The following KIF9 variants were observed in gnomAD, a reference collection of about 807,000 sequenced individuals.
KIF9 encodes the protein kinesin-like protein KIF9.
Under a neutral mutation model 94.8 loss-of-function variants are expected in KIF9, and 68 were observed. The ratio of observed to expected loss-of-function variants is 0.72; its 90% CI spans 0.59 to 0.88. KIF9 has a LOEUF of 0.88. Ranked by LOEUF, KIF9 falls within the 40% of genes least tolerant of loss-of-function variation. The pLI is 0.00. For synonymous variants in KIF9, 343 were observed against 362.1 expected (o/e 0.95, Z 0.60); for missense variants, 882 against 982.5 (o/e 0.90, Z 1.37).
At chr3:47,239,915 T>C (rs570224725) in intron 17 of KIF9, 2 of 1,367,882 alleles carry the variant, frequency 1.5e-6, no homozygotes, top group Non-Finnish European at 2.0e-6. Context: ...GTGTTTCCTG[T>C]CTGGAAGAAG....
chr3:47,281,053 ATC>A, intron 1 of KIF9: 1 of 702,954 alleles, frequency 1.4e-6, no homozygotes, highest in East Asian at 2.7e-5. Flanking sequence ...TGTGCTTTTT[ATC>A]TCTTTTGAAT....
At chr3:47,276,574 AG>A (rs373845254) in intron 2 of KIF9, among the ~76,000 whole-genome samples, 1 of 151,190 alleles carries the variant, frequency 6.6e-6, no homozygotes, top group Non-Finnish European at 1.5e-5. Flanking sequence ...AAAAAAAAAA[AG>A]AAAAGAAAGA....
intron 1 of KIF9, 101 bp downstream of exon 1, chr3:47,282,394 C>T (rs894959284): frequency 1.7e-5 from 17 of 986,380 alleles, no homozygotes; most frequent in African/African-American, 5.2e-5. Context: ...AGCTGGGAAC[C>T]CCCAGATAAA....
chr3:47,267,373 G>A (rs559753314), intron 5 of KIF9, 110 bp from the exon 6 acceptor site: 10 of 793,286 alleles, frequency 1.3e-5, no homozygotes, highest in South Asian at 4.3e-5. Flanking sequence ...ATATCACTGC[G>A]ATCAGCTGGG....
chr3:47,228,460 A>G lies in KIF9; in HGVS notation c.*192T>C, dbSNP rs1257561481. The G allele has an allele frequency of 2.0e-5, 13 of 646,514 alleles. No homozygotes were observed. In the Admixed American group the frequency reaches 2.8e-4, roughly 14 times the overall value. 40.0% of individuals were successfully genotyped at this position (646,514 alleles called of 1,614,324 possible). On this transcript the variant is annotated 3_prime_UTR_variant, in exon 21 of 21. Transcript: ENST00000684063. ...ATATAAGACAGTGAATTAAAACCCA[A>G]AGTGCTCTGTGGAGATGAGCAAGGT...
intron 10 of KIF9, among the ~76,000 whole-genome samples, chr3:47,250,841 T>C (rs1366332604): frequency 6.6e-6 from 1 of 152,214 alleles, no homozygotes; most frequent in Non-Finnish European, 1.5e-5. Flanking sequence ...ACCAGTCCAC[T>C]GCCCCACTGG....
Position 47,275,484 on chromosome 3 carries a change from C to T in KIF9, c.100G>A (p.Asp34Asn), listed in dbSNP as rs747556627. The part of the protein sequence containing the change: ...IRYGDDKRSI[D>N]IHLKKDIRRG... ...CGAATGTCTTTTTTTAAGTGAATATCAATGCTCTAGGAAAAAAGAGTGAGA... is the reference window on the plus strand; with the variant it reads ...CGAATGTCTTTTTTTAAGTGAATATTAATGCTCTAGGAAAAAAGAGTGAGA... Residue 34 changes from aspartate (D) to asparagine (N), a missense_variant, in exon 3 of 21, where the codon GAT (aspartate) becomes AAT (asparagine). By Grantham distance (23) the Asp-to-Asn change is conservative. Transcript: ENST00000684063. 6.2e-7 allele frequency: 1 copy of T among 1,601,520 alleles called. No individual in the cohort carries two copies. Among genetic ancestry groups the T allele is most frequent in the Non-Finnish European group, 8.5e-7 (1 of 1,175,552 alleles).
chr3:47,260,346 A>G (rs984451572), intron 9 of KIF9, among the ~76,000 whole-genome samples: 29 of 151,734 alleles, frequency 1.9e-4, no homozygotes, highest in African/African-American at 7.0e-4. Context: ...AAGGGAACTC[A>G]GAGGCTGGCG....
At chr3:47,267,430 T>C (rs993349720) in intron 5 of KIF9, among the ~76,000 whole-genome samples, 167 bp from the exon 6 acceptor site, 1 of 152,164 alleles carries the variant, frequency 6.6e-6, no homozygotes, top group Non-Finnish European at 1.5e-5. Context: ...GGGAGTCAAA[T>C]TGGAGTCCAC....
chr3:47,279,540 G>GTATA (rs950657752), intron 1 of KIF9, among the ~76,000 whole-genome samples: 10 of 151,134 alleles, frequency 6.6e-5, no homozygotes, highest in Non-Finnish European at 1.5e-4. Flanking sequence ...AACCCCTCAT[G>GTATA]TATAACAGGG....
chr3:47,256,533 CCCG>C (rs1700617522), intron 10 of KIF9, among the ~76,000 whole-genome samples: 1 of 151,560 alleles, frequency 6.6e-6, no homozygotes, highest in African/African-American at 2.4e-5. Context: ...GGGTCGGCCC[CCCG>C]CCCGGCCGGC....
intron 2 of KIF9, chr3:47,277,032 T>C (rs914331627): frequency 2.3e-5 from 7 of 310,686 alleles, no homozygotes; most frequent in Admixed American, 2.0e-4. Flanking sequence ...CTGTGTCAGA[T>C]ACGAGGGTAA....
chr3:47,234,523 CGTGCCCAGCCAGAGCCACT>C (rs1698864787), intron 20 of KIF9, among the ~76,000 whole-genome samples: 1 of 150,934 alleles, frequency 6.6e-6, no homozygotes, highest in Admixed American at 6.6e-5. Flanking sequence ...CGTGAGCCAC[CGTGCCCAGCCAGAGCCACT>C]GTGCCCAGCA....
rs778748717 is a variant in KIF9, at chr3:47,248,060, T to C, written c.1086A>G (p.Glu362=). ...AERMVKNLEK[E]LALLKQELAI... ...CCAGCTCCTGCTTGAGTAGTGCTAG[T>C]TCCTTCTCCAGGTTCTTGACCATTC... The change falls in exon 11 of 21, where the codon GAA becomes GAG. Residue 362 remains glutamate, a synonymous_variant. Transcript: ENST00000684063. 6.2e-7 allele frequency: 1 copy of C among 1,613,800 alleles called. No homozygotes were observed. The highest frequency in any genetic ancestry group is 2.2e-5 in the East Asian group (1 of 44,864).
chr3:47,241,472 C>T (rs1042301878), intron 16 of KIF9, among the ~76,000 whole-genome samples: 34 of 151,880 alleles, frequency 2.2e-4, no homozygotes, highest in African/African-American at 8.2e-4. Context: ...CAGGCATGCG[C>T]CACCACACCT....
At chr3:47,246,752 T>C (rs1699951195) in intron 12 of KIF9, among the ~76,000 whole-genome samples, 1 of 152,086 alleles carries the variant, frequency 6.6e-6, no homozygotes, top group African/African-American at 2.4e-5. Flanking sequence ...AATTTGGGAC[T>C]GCCCCTCCTG....
In KIF9 at chr3:47,282,712, G is replaced by T. The variant is rs1424867341; in HGVS notation, c.-223C>A. 5 of 1,384,192 alleles carry T rather than the reference G, an allele frequency of 3.6e-6. No homozygotes were observed. Among genetic ancestry groups the T allele is most frequent in the Non-Finnish European group, 3.7e-6 (4 of 1,067,034 alleles). 85.7% of individuals were successfully genotyped at this position (1,384,192 alleles called of 1,614,324 possible). A position where few individuals can be genotyped will look rare whatever the true frequency, so the allele number is the denominator to read the frequency against. Reference sequence around the variant, plus strand: ...AATCGGGAAGACGAGAGATGGGGCCGATTGATCTAGAAAGACTTCGGCGGA... The same window carrying T: ...AATCGGGAAGACGAGAGATGGGGCCTATTGATCTAGAAAGACTTCGGCGGA... On this transcript the variant is annotated 5_prime_UTR_variant, in exon 1 of 21. Transcript: ENST00000684063.
At chr3:47,273,773 G>T in intron 3 of KIF9, 115 bp from the exon 4 acceptor site, 1 of 845,158 alleles carries the variant, frequency 1.2e-6, no homozygotes. Flanking sequence ...TGGCCAGTGG[G>T]GGCAGCCAAG....
rs746058303 is a variant in KIF9, at chr3:47,275,477, T to C, written c.107A>G (p.His36Arg). ...YGDDKRSIDI[H>R]LKKDIRRGVV... ...TCCTCTCCGAATGTCTTTTTTTAAG[T>C]GAATATCAATGCTCTAGGAAAAAAG... is the stretch of plus-strand genomic sequence containing the variant. The change falls in exon 3 of 21, where the codon CAC becomes CGC. Residue 36 changes from histidine (H) to arginine (R), a missense_variant. Coordinates refer to ENST00000684063, the MANE Select transcript of KIF9 (RefSeq NM_182902.4). The C allele has an allele frequency of 3.7e-6, 6 of 1,606,500 alleles. No individual in the cohort carries two copies. The Admixed American group carries it at 1.0e-4, about 28-fold the overall frequency.
Sources: gnomAD v4.1 joint callset for allele counts (sites outside exome capture counted in the v4.1 genomes callset) on GRCh38, gnomAD v4.1.1 for gene constraint, MANE v1.5 for transcripts, NCBI Gene and HGNC (gene_info 2026-07-23, HGNC 2026-07-21) for gene names.